HS6ST3: variants seen among roughly 807,000 people sequenced by gnomAD.
HS6ST3 encodes the protein heparan sulfate 6-O-sulfotransferase 3.
Under a neutral mutation model 36.7 loss-of-function variants are expected in HS6ST3, and 12 were observed. That is an observed-to-expected ratio of 0.33 (90% confidence interval 0.21 to 0.53). The LOEUF (loss-of-function observed/expected upper bound fraction) is 0.53, where lower values mean the gene tolerates loss of function less well. HS6ST3 is among the 20% of genes least tolerant of loss of function. The pLI is 0.95. For missense variants in HS6ST3, 584 were observed against 640.9 expected, an observed-to-expected ratio of 0.91 and a Z score of 0.96; for synonymous variants, 240 against 257.5, an observed-to-expected ratio of 0.93 and a Z score of 0.65.
At chr13:96,149,533 G>A (rs2054074592) in intron 1 of HS6ST3, among the ~76,000 whole-genome samples, 1 of 152,266 alleles carries the variant, frequency 6.6e-6, no homozygotes, top group Middle Eastern at 3.4e-3. Context: ...TTGTCCCAAA[G>A]CTGCCAGTGA....
At chr13:96,298,642 T>G (rs2054866843) in intron 1 of HS6ST3, among the ~76,000 whole-genome samples, 1 of 152,180 alleles carries the variant, frequency 6.6e-6, no homozygotes, top group African/African-American at 2.4e-5. Context: ...AGCACCCAAA[T>G]TGTTCTACAG....
At chr13:96,375,149 C>G (rs1280333547) in intron 1 of HS6ST3, among the ~76,000 whole-genome samples, 1 of 152,110 alleles carries the variant, frequency 6.6e-6, no homozygotes, top group South Asian at 2.1e-4. Context: ...CTTTCTCTGG[C>G]CTTTTCTTGC....
At position 96,443,596 on chromosome 13, in the gene HS6ST3, A is replaced by G. The variant is rs2055684511; in HGVS notation, c.707+352027A>G. Among the ~76,000 whole-genome samples the G allele has an allele frequency of 2.0e-5, 3 of 151,952 alleles. No individual in the cohort carries two copies. In the South Asian group the frequency reaches 6.2e-4, roughly 32 times the overall value. On this transcript the variant is annotated intron_variant, in intron 1 of 1. Transcript: ENST00000376705. ...TTTTGATCACTATTTAAAAAAGGGA[A>G]TCATAACACAAATTTCTATTTAAAA...
chr13:96,705,940 C>A (rs914762903), intron 1 of HS6ST3, among the ~76,000 whole-genome samples: 1 of 152,200 alleles, frequency 6.6e-6, no homozygotes, highest in Non-Finnish European at 1.5e-5. Flanking sequence ...ACAACTCTCA[C>A]TGGCTCTCAT....
chr13:96,253,363 G>A (rs1927801), intron 1 of HS6ST3, among the ~76,000 whole-genome samples: 69,552 of 151,996 alleles, frequency 0.46, 16,734 homozygotes, highest in Admixed American at 0.57. Context: ...TGGGGCTCTC[G>A]CTTTTCCCCA....
chr13:96,452,762 T>A (rs2055734312), intron 1 of HS6ST3, among the ~76,000 whole-genome samples: 1 of 152,250 alleles, frequency 6.6e-6, no homozygotes, highest in African/African-American at 2.4e-5. Flanking sequence ...TTCCATACCC[T>A]GGAGTATGGA....
intron 1 of HS6ST3, among the ~76,000 whole-genome samples, chr13:96,594,071 C>T (rs1184947703): frequency 6.6e-6 from 1 of 151,968 alleles, no homozygotes; most frequent in Non-Finnish European, 1.5e-5. Flanking sequence ...CTCCTGGGTT[C>T]AAGCAATTCT....
chr13:96,287,792 C>A (rs907570013), intron 1 of HS6ST3, among the ~76,000 whole-genome samples: 14 of 151,898 alleles, frequency 9.2e-5, no homozygotes, highest in African/African-American at 3.4e-4. Flanking sequence ...TTCTTTAATT[C>A]TTTACTTTTT....
At chr13:96,251,607 G>A (rs2054608419) in intron 1 of HS6ST3, among the ~76,000 whole-genome samples, 1 of 151,642 alleles carries the variant, frequency 6.6e-6, no homozygotes, top group South Asian at 2.1e-4. Context: ...TCCTTCTAAT[G>A]TTGGGCTTTG....
intron 1 of HS6ST3, among the ~76,000 whole-genome samples, chr13:96,640,548 G>A (rs1446801830): frequency 6.6e-6 from 1 of 151,906 alleles, no homozygotes; most frequent in Non-Finnish European, 1.5e-5. Flanking sequence ...TTGCTGTGCA[G>A]CTCTTTGGTT....
At chr13:96,348,806 C>G (rs539783732) in intron 1 of HS6ST3, among the ~76,000 whole-genome samples, 3 of 152,302 alleles carry the variant, frequency 2.0e-5, no homozygotes, top group East Asian at 3.9e-4. Flanking sequence ...TTAGTTCACA[C>G]ATGATCTTGA....
chr13:96,115,725 T>G (rs1202462080), intron 1 of HS6ST3, among the ~76,000 whole-genome samples: 1 of 152,204 alleles, frequency 6.6e-6, no homozygotes, highest in Non-Finnish European at 1.5e-5. Flanking sequence ...AGTATCTTTA[T>G]AGTAGAATGA....
chr13:96,655,867 C>T (rs1277525810), intron 1 of HS6ST3, among the ~76,000 whole-genome samples: 4 of 152,088 alleles, frequency 2.6e-5, no homozygotes, highest in Non-Finnish European at 5.9e-5. Context: ...TCAGGCTTCT[C>T]AGGGTTCCAC....
chr13:96,727,956 T>C (rs1364999548), intron 1 of HS6ST3, among the ~76,000 whole-genome samples: 1 of 152,186 alleles, frequency 6.6e-6, no homozygotes, highest in Non-Finnish European at 1.5e-5. Flanking sequence ...AGTTTAGGCA[T>C]TGTTTGATAA....
rs71213623 is a variant in HS6ST3, at chr13:96,658,268, C to CTTTTTTTT, written c.708-174199_708-174192dup. ...TTCTTCTTCTTCTTCTCTTCTTCTT[C>CTTTTTTTT]TTTTTTTTTTTTTTTTTTTTTTTTT... On this transcript the variant is annotated intron_variant, in intron 1 of 1. Transcript: ENST00000376705. 4.9e-4 allele frequency among the ~76,000 whole-genome samples: 37 copies of CTTTTTTTT among 76,158 alleles called. 2 individuals are homozygous for CTTTTTTTT. Among genetic ancestry groups the CTTTTTTTT allele is most frequent in the African/African-American group, 9.7e-4 (18 of 18,512 alleles). 50.0% of individuals were successfully genotyped at this position (76,158 alleles called of 152,430 possible).
At chr13:96,567,988 A>G (rs1431351449) in intron 1 of HS6ST3, among the ~76,000 whole-genome samples, 2 of 152,226 alleles carry the variant, frequency 1.3e-5, no homozygotes, top group African/African-American at 4.8e-5. Flanking sequence ...AATTATGGGC[A>G]TATAATGCAA....
intron 1 of HS6ST3, among the ~76,000 whole-genome samples, chr13:96,130,328 A>G (rs1278284220): frequency 2.6e-5 from 4 of 152,088 alleles, no homozygotes; most frequent in African/African-American, 9.7e-5. Flanking sequence ...GTGTCCTGGA[A>G]CCTTAACCCT....
intron 1 of HS6ST3, among the ~76,000 whole-genome samples, chr13:96,496,147 A>C (rs2055974560): frequency 6.6e-6 from 1 of 152,090 alleles, no homozygotes; most frequent in African/African-American, 2.4e-5. Context: ...ATTCTACCCA[A>C]CACCTTTTTC....
At chr13:96,457,229 A>T (rs922817846) in intron 1 of HS6ST3, among the ~76,000 whole-genome samples, 1 of 152,136 alleles carries the variant, frequency 6.6e-6, no homozygotes, top group African/African-American at 2.4e-5. Context: ...CTAGATTGAC[A>T]TTTACCTTTA....
Sources: gnomAD v4.1 joint callset for allele counts (sites outside exome capture counted in the v4.1 genomes callset) on GRCh38, gnomAD v4.1.1 for gene constraint, MANE v1.5 for transcripts, NCBI Gene and HGNC (gene_info 2026-07-23, HGNC 2026-07-21) for gene names.